Variants in GTF3C5 observed in about 807,000 individuals in gnomAD.
GTF3C5 encodes the protein general transcription factor IIIC subunit 5, also known as general transcription factor 3C polypeptide 5.
A neutral mutation model predicts 61.0 loss-of-function variants in GTF3C5; 47 were observed. That is an observed-to-expected ratio of 0.77 (90% CI 0.61 to 0.98). The LOEUF is 0.98. Ranked by LOEUF, GTF3C5 falls within the 50% of genes least tolerant of loss-of-function variation. GTF3C5 has a pLI of 0.00. For missense variants in GTF3C5, 659 were observed against 703.3 expected (o/e 0.94, Z 0.71); for synonymous variants, 295 against 275.4 (o/e 1.07, Z -0.71).
intron 7 of GTF3C5, 50 bp from the exon 8 acceptor site, chr9:133,054,662 A>G: frequency 6.7e-7 from 1 of 1,485,350 alleles, no homozygotes; most frequent in Non-Finnish European, 9.2e-7. Context: ...TGGGAGAGAC[A>G]CCTCCTCCCC....
intron 6 of GTF3C5, among the ~76,000 whole-genome samples, chr9:133,054,159 C>T (rs1369632104): frequency 6.6e-6 from 1 of 152,196 alleles, no homozygotes; most frequent in Non-Finnish European, 1.5e-5. Context: ...AACCACAGTC[C>T]CTCATTAAGT....
chr9:133,041,201 A>C (rs755290721), intron 1 of GTF3C5, among the ~76,000 whole-genome samples: 2 of 152,162 alleles, frequency 1.3e-5, no homozygotes, highest in Non-Finnish European at 2.9e-5. Context: ...CAGACCTGCA[A>C]AGGGAGTCTC....
chr9:133,030,774 C>T, upstream of GTF3C5: 1 of 625,616 alleles, frequency 1.6e-6, no homozygotes, highest in East Asian at 2.8e-5. Flanking sequence ...GCCCGGTGGA[C>T]TAACTCGCTT....
intron 1 of GTF3C5, among the ~76,000 whole-genome samples, chr9:133,039,595 T>G (rs1849979329): frequency 6.6e-6 from 1 of 152,090 alleles, no homozygotes; most frequent in African/African-American, 2.4e-5. Flanking sequence ...TGTAGAGACG[T>G]GGTCTCCCTA....
Position 133,042,074 on chromosome 9 carries a change from G to C in GTF3C5, c.154-13G>C, listed in dbSNP as rs769388840. On this transcript the variant is annotated splice_polypyrimidine_tract_variant and intron_variant, in intron 1 of 10. Coordinates refer to ENST00000372097, the MANE Select transcript of GTF3C5 (RefSeq NM_012087.4). ...GTCATTGCTTCACTCTGTCTCCTTT[G>C]GCCTTGCCACAGATCTACGCAGACC... 1.2e-6 allele frequency: 2 copies of C among 1,600,762 alleles called. No homozygotes were observed. The highest frequency in any genetic ancestry group is 2.2e-5 in the South Asian group (2 of 90,792).
At chr9:133,051,102 T>G in intron 4 of GTF3C5, 124 bp downstream of exon 4, 2 of 647,908 alleles carry the variant, frequency 3.1e-6, no homozygotes, top group Non-Finnish European at 5.1e-6. Context: ...CATTCCTTAG[T>G]GCATGGGAAC....
At chr9:133,045,885 C>G (rs112796903) in intron 3 of GTF3C5, among the ~76,000 whole-genome samples, 1 of 152,164 alleles carries the variant, frequency 6.6e-6, no homozygotes, top group Non-Finnish European at 1.5e-5. Context: ...GATCCGCCCA[C>G]CTCAGCCTCC....
At position 133,031,150 on chromosome 9, in the gene GTF3C5, G is replaced by A. The variant is rs1267656030; in HGVS notation, c.139G>A (p.Glu47Lys). ...GATGCTGCCGACTCTGGGCGGCGAG[G>A]AAGGCGTCTCCCGGGTAAGGGGCTG... ...AKMLPTLGGE[E>K]GVSRIYADPT... The change falls in exon 1 of 11, where the codon GAA (glutamate) becomes AAA (lysine). Residue 47 changes from glutamate to lysine, a missense_variant. Glu to Lys is a moderately conservative substitution (Grantham distance 56, BLOSUM62 1). Transcript: ENST00000372097. 4 of 1,581,292 alleles carry A rather than the reference G, an allele frequency of 2.5e-6. No homozygotes were observed. The Admixed American group carries it at 7.2e-5, about 28-fold the overall frequency.
chr9:133,050,565 C>T (rs1446338898), intron 3 of GTF3C5, among the ~76,000 whole-genome samples: 1 of 152,208 alleles, frequency 6.6e-6, no homozygotes, highest in Non-Finnish European at 1.5e-5. Context: ...CAGGGTTTCT[C>T]TGAGTTGTCA....
intron 1 of GTF3C5, among the ~76,000 whole-genome samples, chr9:133,032,336 A>G (rs1048707995): frequency 2.0e-5 from 3 of 152,194 alleles, no homozygotes; most frequent in African/African-American, 7.2e-5. Context: ...GCTATTTTAA[A>G]TAGAACAGGG....
intron 1 of GTF3C5, among the ~76,000 whole-genome samples, chr9:133,033,001 C>T (rs1849771197): frequency 6.6e-6 from 1 of 152,178 alleles, no homozygotes; most frequent in Non-Finnish European, 1.5e-5. Context: ...TAATGCTATT[C>T]TATTTTCCCA....
At chr9:133,051,556 G>A (rs1244571028) in intron 4 of GTF3C5, among the ~76,000 whole-genome samples, 1 of 152,238 alleles carries the variant, frequency 6.6e-6, no homozygotes, top group Non-Finnish European at 1.5e-5. Context: ...TTGCCCACCA[G>A]GCACAGCCCA....
At chr9:133,038,581 G>A (rs1849945962) in intron 1 of GTF3C5, among the ~76,000 whole-genome samples, 1 of 151,274 alleles carries the variant, frequency 6.6e-6, no homozygotes, top group Admixed American at 6.6e-5. Context: ...CTCCTGAGTA[G>A]CTGGGATTAT....
In GTF3C5 at chr9:133,031,155, C is replaced by T. The variant is rs1018245161; in HGVS notation, c.144C>T (p.Gly48=). The T allele has an allele frequency of 3.2e-6, 5 of 1,570,386 alleles. No homozygotes were observed. The Admixed American group carries it at 7.3e-5, about 23-fold the overall frequency. ...KMLPTLGGEE[G]VSRIYADPTK... ...TGCCGACTCTGGGCGGCGAGGAAGG[C>T]GTCTCCCGGGTAAGGGGCTGGGAAT... The change falls in exon 1 of 11, where the codon GGC becomes GGT. Residue 48 remains glycine (G), a synonymous_variant. Transcript: ENST00000372097.
At chr9:133,055,177 T>C in intron 8 of GTF3C5, 5 of 1,538,096 alleles carry the variant, frequency 3.3e-6, no homozygotes, top group East Asian at 2.5e-5. Context: ...GAGCAGGCCA[T>C]GTGGGCTGCA....
intron 2 of GTF3C5, among the ~76,000 whole-genome samples, chr9:133,043,292 A>G (rs1446629822): frequency 6.6e-6 from 1 of 152,204 alleles, no homozygotes; most frequent in African/African-American, 2.4e-5. Flanking sequence ...TTGAACCAGC[A>G]TCTTGCTGCT....
chr9:133,057,112 G>A (rs984809421), intron 10 of GTF3C5, among the ~76,000 whole-genome samples: 3 of 152,210 alleles, frequency 2.0e-5, no homozygotes, highest in Non-Finnish European at 4.4e-5. Context: ...TGCCTCAGCC[G>A]AGGCCCTCAG....
chr9:133,043,866 C>A lies in GTF3C5; in HGVS notation c.512C>A (p.Pro171His), dbSNP rs1395114822. Residue 171 changes from proline to histidine, a missense_variant, in exon 3 of 11, where the codon CCC becomes CAC. Physicochemically the swap from Pro to His is moderately conservative, Grantham distance 77. Coordinates refer to ENST00000372097, the MANE Select transcript of GTF3C5 (RefSeq NM_012087.4). ...HQELPLYIPP[P>H]IFSRLDAPVD... ...GAGCTGCCGCTCTACATCCCCCCAC[C>A]CATCTTCTCCCGGCTGGACGCCCCG... 2.5e-6 allele frequency: 4 copies of A among 1,614,112 alleles called. No homozygotes were observed. The Admixed American group carries it at 6.7e-5, about 27-fold the overall frequency.
At chr9:133,038,839 AC>A (rs1403530701) in intron 1 of GTF3C5, among the ~76,000 whole-genome samples, 5 of 152,006 alleles carry the variant, frequency 3.3e-5, no homozygotes, top group African/African-American at 1.2e-4. Flanking sequence ...CTGCAGCCCC[AC>A]AGGGTGTGTT....
Sources: allele counts gnomAD v4.1 joint callset (sites outside exome capture counted in the v4.1 genomes callset), GRCh38; gene constraint gnomAD v4.1.1; transcripts MANE v1.5; gene names NCBI Gene and HGNC (gene_info 2026-07-23, HGNC 2026-07-21).